IRF2: variants seen among roughly 807,000 people sequenced by gnomAD.
The protein encoded by IRF2 is interferon regulatory factor 2.
In IRF2, 15 loss-of-function variants were observed where a neutral mutation model predicts 40.6. The ratio of observed to expected loss-of-function variants is 0.37; its 90% CI spans 0.25 to 0.57. IRF2 has a LOEUF of 0.57. IRF2 is among the 20% of genes least tolerant of loss of function. IRF2 has a pLI of 0.77. For missense variants in IRF2, 317 were observed against 455.7 expected (o/e 0.70, Z 2.77); for synonymous variants, 151 against 165.5 (o/e 0.91, Z 0.67).
intron 8 of IRF2, among the ~76,000 whole-genome samples, 158 bp downstream of exon 8, chr4:184,390,545 T>C (rs994040510): frequency 4.6e-5 from 7 of 152,128 alleles, no homozygotes; most frequent in African/African-American, 1.7e-4. Flanking sequence ...CCCAAAAGTA[T>C]GGTAAATTCT....
At chr4:184,418,108 AAT>A in intron 5 of IRF2, 57 bp downstream of exon 5, 2 of 1,281,842 alleles carry the variant, frequency 1.6e-6, no homozygotes, top group South Asian at 2.4e-5. Flanking sequence ...TACAAGGCAG[AAT>A]ATGAGTCATT....
At chr4:184,394,004 GTCATT>G (rs1418746452) in intron 7 of IRF2, among the ~76,000 whole-genome samples, 4 of 152,196 alleles carry the variant, frequency 2.6e-5, no homozygotes, top group African/African-American at 9.7e-5. Flanking sequence ...AACATACGTT[GTCATT>G]TCATTTTCCC....
At chr4:184,453,529 T>C (rs1370979223) in intron 1 of IRF2, among the ~76,000 whole-genome samples, 1 of 152,262 alleles carries the variant, frequency 6.6e-6, no homozygotes, top group East Asian at 1.9e-4. Flanking sequence ...AGAAGTAACA[T>C]GACCTCGAGA....
intron 1 of IRF2, among the ~76,000 whole-genome samples, chr4:184,441,277 T>C (rs539721507): frequency 4.6e-5 from 7 of 152,322 alleles, no homozygotes; most frequent in African/African-American, 1.4e-4. Context: ...AACTATTAAC[T>C]TGTTATTTAT....
intron 2 of IRF2, among the ~76,000 whole-genome samples, chr4:184,422,187 C>T (rs919641317): frequency 6.6e-6 from 1 of 152,278 alleles, no homozygotes; most frequent in African/African-American, 2.4e-5. Flanking sequence ...AAAGAAGCCT[C>T]GTTTTTTTAT....
intron 1 of IRF2, among the ~76,000 whole-genome samples, chr4:184,431,013 C>G (rs1737857672): frequency 6.6e-6 from 1 of 152,188 alleles, no homozygotes; most frequent in Non-Finnish European, 1.5e-5. Flanking sequence ...AGGTCTTTTG[C>G]TAGTCCTACA....
intron 6 of IRF2, among the ~76,000 whole-genome samples, chr4:184,404,889 C>T (rs1205291873): frequency 6.6e-6 from 1 of 152,088 alleles, no homozygotes; most frequent in Non-Finnish European, 1.5e-5. Flanking sequence ...CCTTGCACCC[C>T]GTGAGAAAAC....
intron 1 of IRF2, among the ~76,000 whole-genome samples, chr4:184,429,330 A>G (rs1321627097): frequency 1.3e-5 from 2 of 152,002 alleles, no homozygotes; most frequent in African/African-American, 4.8e-5. Context: ...GGAGACCAGG[A>G]CCCACACTCC....
rs187037429 is a variant in IRF2 at position 184,387,950 on chromosome 4, T to C, written c.*808A>G. The C allele has an allele frequency of 6.6e-6, 1 of 152,622 alleles. No individual in the cohort carries two copies. The highest frequency in any genetic ancestry group is 2.4e-5 in the African/African-American group (1 of 41,458). 9.5% of individuals were successfully genotyped at this position (152,622 alleles called of 1,614,324 possible). ...ATTTTATTTAGAATTTTACCTTGAA[T>C]AAAATATTCCCCTGTATAAAAAATA... On this transcript the variant is annotated 3_prime_UTR_variant, in exon 9 of 9. Coordinates refer to ENST00000393593, the MANE Select transcript of IRF2 (RefSeq NM_002199.4).
At chr4:184,406,463 C>G (rs1050119894) in intron 6 of IRF2, among the ~76,000 whole-genome samples, 4 of 152,010 alleles carry the variant, frequency 2.6e-5, no homozygotes. Flanking sequence ...CTGCTGAGCT[C>G]GTGAACCACC....
chr4:184,448,254 T>C lies in IRF2; in HGVS notation c.-6-19184A>G, dbSNP rs1277633767. Among the ~76,000 whole-genome samples the C allele has an allele frequency of 6.6e-6, 1 of 152,184 alleles. No homozygotes were observed. On this transcript the variant is annotated intron_variant, in intron 1 of 8. Transcript: ENST00000393593. This position sits in a 1 kb window ranked among gnomAD's most constrained non-coding sequence, Gnocchi z 4.3. ...ATACAACAAACTCTAGGAAACCCCCTTTGTGGTGCTTAAATGAAGCTGCTG... is the reference window on the plus strand; with the variant it reads ...ATACAACAAACTCTAGGAAACCCCCCTTGTGGTGCTTAAATGAAGCTGCTG...
chr4:184,456,524 T>A (rs1738940215), intron 1 of IRF2, among the ~76,000 whole-genome samples: 1 of 151,926 alleles, frequency 6.6e-6, no homozygotes, highest in Non-Finnish European at 1.5e-5. Context: ...GAGTTCAGAG[T>A]CAGCCATGTG....
chr4:184,445,223 CACAGA>C (rs1451265088), intron 1 of IRF2, among the ~76,000 whole-genome samples: 4 of 152,196 alleles, frequency 2.6e-5, no homozygotes, highest in East Asian at 1.9e-4. Flanking sequence ...CCCGGGTTGG[CACAGA>C]ACAGAAGGTG....
intron 1 of IRF2, among the ~76,000 whole-genome samples, chr4:184,452,299 G>A (rs909202158): frequency 1.3e-5 from 2 of 152,190 alleles, no homozygotes; most frequent in East Asian, 1.9e-4. Context: ...CAAAGAATGC[G>A]AAGACCATAG....
Position 184,390,874 on chromosome 4 carries a change from G to A in IRF2, c.695-125C>T, listed in dbSNP as rs141828441. On this transcript the variant is annotated intron_variant, in intron 7 of 8. Coordinates refer to ENST00000393593, the MANE Select transcript of IRF2 (RefSeq NM_002199.4). ...CATCACCTCCCTCCCTTTGTAAAGC[G>A]AAACATTCTACATGGGAGAAGCTAG... 3.4e-3 allele frequency: 3,048 copies of A among 884,208 alleles called. 70 individuals are homozygous for A. The highest frequency in any genetic ancestry group is 0.028 in the South Asian group (1,876 of 66,184). The allele number at this position is 884,208 out of a possible 1,614,324, so 54.8% of individuals were successfully genotyped here.
intron 5 of IRF2, among the ~76,000 whole-genome samples, chr4:184,417,069 T>G (rs1486689390): frequency 6.6e-6 from 1 of 151,992 alleles, no homozygotes; most frequent in Non-Finnish European, 1.5e-5. Flanking sequence ...ATTAAATAAA[T>G]AAATTACTTC....
intron 1 of IRF2, among the ~76,000 whole-genome samples, chr4:184,468,721 C>T (rs1342608463): frequency 6.6e-6 from 1 of 152,106 alleles, no homozygotes; most frequent in Non-Finnish European, 1.5e-5. Context: ...TGGCCACACA[C>T]CTGAGGGAGG....
chr4:184,434,438 A>T (rs1006432249), intron 1 of IRF2, among the ~76,000 whole-genome samples: 7 of 152,222 alleles, frequency 4.6e-5, no homozygotes, highest in African/African-American at 1.4e-4. Flanking sequence ...CTCTTCTTGC[A>T]CATCAGGTTG....
chr4:184,460,217 T>C (rs1270381116), intron 1 of IRF2, among the ~76,000 whole-genome samples: 1 of 152,148 alleles, frequency 6.6e-6, no homozygotes, highest in African/African-American at 2.4e-5. Context: ...CTAAGCAAAA[T>C]AAGCCAGACA....
Sources: allele counts gnomAD v4.1 joint callset (sites outside exome capture counted in the v4.1 genomes callset), GRCh38; gene constraint gnomAD v4.1.1; non-coding constraint Gnocchi (gnomAD v3.1); transcripts MANE v1.5; gene names NCBI Gene and HGNC (gene_info 2026-07-23, HGNC 2026-07-21).